The following NPEPPS variants were observed in gnomAD, a reference collection of about 807,000 sequenced individuals.
NPEPPS encodes puromycin-sensitive aminopeptidase.
Under a neutral mutation model 115.5 loss-of-function variants are expected in NPEPPS, and 14 were observed. That is an observed-to-expected ratio of 0.12 (90% CI 0.08 to 0.19). NPEPPS has a LOEUF of 0.19. Ranked by LOEUF, NPEPPS falls within the 10% of genes least tolerant of loss-of-function variation. The probability of loss-of-function intolerance (pLI) is 1.00; values close to 1 mark genes in which losing one functional copy is unlikely to be tolerated. For missense variants in NPEPPS, 523 were observed against 1,110.8 expected (o/e 0.47, Z 7.52); for synonymous variants, 285 against 390.6 (o/e 0.73, Z 3.19).
At chr17:47,617,678 T>C (rs1017511291) in intron 19 of NPEPPS, among the ~76,000 whole-genome samples, 2 of 152,218 alleles carry the variant, frequency 1.3e-5, no homozygotes, top group Non-Finnish European at 2.9e-5. Context: ...ATAAGAACAC[T>C]AATGATTAGT....
rs57585141 is a variant in NPEPPS, at chr17:47,622,425, C to CTTTTTT, written c.*513_*518dup. ...GGAGTCAGTGCATAATTCCAAGTGGCTTTTTTTTTTTTTGGCACGGGGACT... is the reference window on the plus strand; with the variant it reads ...GGAGTCAGTGCATAATTCCAAGTGGCTTTTTTTTTTTTTTTTTTTGGCACGGGGACT... On this transcript the variant is annotated 3_prime_UTR_variant, in exon 23 of 23. Coordinates refer to ENST00000322157, the MANE Select transcript of NPEPPS (RefSeq NM_006310.4). The CTTTTTT allele has an allele frequency of 6.8e-6, 1 of 147,758 alleles. No individual in the cohort carries two copies. Among genetic ancestry groups the CTTTTTT allele is most frequent in the Non-Finnish European group, 1.4e-5 (1 of 69,218 alleles). The allele number at this position is 147,758 out of a possible 1,614,324, so 9.2% of individuals were successfully genotyped here.
At chr17:47,525,414 G>T (rs966743422) in intron 1 of NPEPPS, among the ~76,000 whole-genome samples, 1 of 152,144 alleles carries the variant, frequency 6.6e-6, no homozygotes, top group African/African-American at 2.4e-5. Flanking sequence ...CGTGATCTTG[G>T]CTCACTGCAA....
At chr17:47,592,913 C>T (rs1653078834) in intron 12 of NPEPPS, among the ~76,000 whole-genome samples, 1 of 152,080 alleles carries the variant, frequency 6.6e-6, no homozygotes, top group South Asian at 2.1e-4. Flanking sequence ...CAGCCCCCTA[C>T]CCCATGACAG....
At chr17:47,541,052 G>T (rs945013544) in intron 1 of NPEPPS, among the ~76,000 whole-genome samples, 18 of 152,152 alleles carry the variant, frequency 1.2e-4, no homozygotes, top group Admixed American at 3.3e-4. Flanking sequence ...GAGTTGGAAG[G>T]TACTTGTAAT....
intron 15 of NPEPPS, chr17:47,603,398 C>T (rs935345030): frequency 6.6e-6 from 1 of 152,016 alleles, no homozygotes; most frequent in Non-Finnish European, 1.5e-5. Context: ...GGTGACAGAG[C>T]AAGACTCCAT....
chr17:47,548,904 G>A (rs1909432413), intron 2 of NPEPPS, among the ~76,000 whole-genome samples: 1 of 152,018 alleles, frequency 6.6e-6, no homozygotes, highest in South Asian at 2.1e-4. Flanking sequence ...ATGCGTAACC[G>A]AATGTTGCTA....
chr17:47,607,191 CA>C (rs543009120), intron 17 of NPEPPS, among the ~76,000 whole-genome samples: 1 of 148,062 alleles, frequency 6.8e-6, no homozygotes, highest in Admixed American at 6.7e-5. Flanking sequence ...GACTCCATCT[CA>C]AAAAAAAAGA....
chr17:47,568,896 C>T (rs1911011045), intron 2 of NPEPPS, among the ~76,000 whole-genome samples: 1 of 150,920 alleles, frequency 6.6e-6, no homozygotes, highest in African/African-American at 2.4e-5. Flanking sequence ...CCCAGGTGAC[C>T]CGCCTGCCTC....
At chr17:47,551,046 G>C (rs967592184) in intron 2 of NPEPPS, among the ~76,000 whole-genome samples, 6 of 152,136 alleles carry the variant, frequency 3.9e-5, no homozygotes, top group African/African-American at 1.2e-4. Context: ...CTTGTTATAA[G>C]ACAAGACCTG....
intron 12 of NPEPPS, among the ~76,000 whole-genome samples, chr17:47,595,601 G>GGGA (rs1912813301): frequency 6.6e-6 from 1 of 152,128 alleles, no homozygotes; most frequent in Non-Finnish European, 1.5e-5. Context: ...CCAGCACCTT[G>GGGA]GGAGGCTGAG....
chr17:47,533,638 T>C (rs1907985607), intron 1 of NPEPPS, among the ~76,000 whole-genome samples: 1 of 151,982 alleles, frequency 6.6e-6, no homozygotes, highest in African/African-American at 2.4e-5. Flanking sequence ...AAGAAGTGAG[T>C]TTGATTTAAG....
intron 2 of NPEPPS, among the ~76,000 whole-genome samples, chr17:47,564,063 G>A (rs1215574848): frequency 6.6e-6 from 1 of 151,912 alleles, no homozygotes; most frequent in African/African-American, 2.4e-5. Flanking sequence ...CTCCCAAGTA[G>A]TTGGGATTAC....
intron 2 of NPEPPS, among the ~76,000 whole-genome samples, chr17:47,562,308 G>C (rs563938249): frequency 8.3e-4 from 126 of 152,304 alleles, no homozygotes; most frequent in African/African-American, 2.9e-3. Context: ...CCCTCTCTCA[G>C]CCTGTGGGAT....
upstream of NPEPPS, among the ~76,000 whole-genome samples, chr17:47,527,498 A>T (rs1907482863): frequency 6.6e-6 from 1 of 151,806 alleles, no homozygotes; most frequent in African/African-American, 2.4e-5. Context: ...AAAAACCCAA[A>T]ACAAAAGAAA....
intron 16 of NPEPPS, among the ~76,000 whole-genome samples, chr17:47,604,645 C>T (rs575131515): frequency 6.6e-6 from 1 of 152,336 alleles, no homozygotes; most frequent in South Asian, 2.1e-4. Flanking sequence ...TCCCTCCCCT[C>T]TGCAGTCATT....
Position 47,620,139 on chromosome 17 carries a change from G to A in NPEPPS, c.2607+355G>A, listed in dbSNP as rs183694839. On this transcript the variant is annotated intron_variant, in intron 22 of 22. Transcript: ENST00000322157. ...TGAGGCAGGAGAATTGCTTGAGCCC[G>A]GGAGGTGGAGGTTGCAGTGAGCTGA... 40 of 165,566 alleles carry A rather than the reference G, an allele frequency of 2.4e-4. No homozygotes were observed. The East Asian group carries it at 5.6e-3, about 23-fold the overall frequency. 10.3% of individuals were successfully genotyped at this position (165,566 alleles called of 1,614,324 possible).
Position 47,532,206 on chromosome 17 carries a change from A to C in NPEPPS, c.255+651A>C, listed in dbSNP as rs543153592. Among the ~76,000 whole-genome samples the C allele has an allele frequency of 1.2e-4, 19 of 152,008 alleles. No homozygotes were observed. The East Asian group carries it at 3.5e-3, about 28-fold the overall frequency. The stretch of plus-strand genomic sequence containing the variant: ...GATCCGCCCCCTCCCCCTTTCCCTC[A>C]AGTGACAGTGCAGCAGTGACTTTGT... On this transcript the variant is annotated intron_variant, in intron 1 of 22. Coordinates refer to ENST00000322157, the MANE Select transcript of NPEPPS (RefSeq NM_006310.4).
intron 19 of NPEPPS, among the ~76,000 whole-genome samples, chr17:47,616,289 G>T (rs952837078): frequency 6.6e-6 from 1 of 152,164 alleles, no homozygotes; most frequent in African/African-American, 2.4e-5. Flanking sequence ...AGGCGTGGTG[G>T]TTCATGCCTG....
intron 22 of NPEPPS, among the ~76,000 whole-genome samples, chr17:47,621,232 C>G (rs1372608275): frequency 6.7e-6 from 1 of 150,268 alleles, no homozygotes; most frequent in African/African-American, 2.4e-5. Flanking sequence ...TAGGGCATAG[C>G]AGCAATTTAA....
Sources: gnomAD v4.1 joint callset for allele counts (sites outside exome capture counted in the v4.1 genomes callset) on GRCh38, gnomAD v4.1.1 for gene constraint, MANE v1.5 for transcripts, NCBI Gene and HGNC (gene_info 2026-07-23, HGNC 2026-07-21) for gene names.